XPO7: variants seen among roughly 807,000 people sequenced by gnomAD.
The protein encoded by XPO7 is exportin 7.
A neutral mutation model predicts 144.3 loss-of-function variants in XPO7; 21 were observed. The observed-to-expected ratio is 0.15, with a 90% CI of 0.10 to 0.21. The LOEUF (loss-of-function observed/expected upper bound fraction) is 0.21, where lower values mean the gene tolerates loss of function less well. Ranked by LOEUF, XPO7 falls within the 10% of genes least tolerant of loss-of-function variation. The pLI is 1.00. For missense variants in XPO7, 808 were observed against 1,325.8 expected, an observed-to-expected ratio of 0.61 and a Z score of 6.06; for synonymous variants, 580 against 499.6, an observed-to-expected ratio of 1.16 and a Z score of -2.15.
chr8:21,982,810 G>A lies in XPO7; in HGVS notation c.1275G>A (p.Leu425=). Residue 425 remains leucine, a splice_region_variant and synonymous_variant, in exon 11 of 28, where the codon CTG becomes CTA. Coordinates refer to ENST00000252512, the MANE Select transcript of XPO7 (RefSeq NM_015024.5). ...GGTTGGAATCTGTGCACATCATACT[G>A]AGGTAAGGAAACTTAGCCTCATTCA... ...TSRLESVHII[L]RDGLEDPLED... The A allele has an allele frequency of 1.1e-5, 17 of 1,598,572 alleles. No homozygotes were observed. The highest frequency in any genetic ancestry group is 1.4e-5 in the Non-Finnish European group (17 of 1,175,036).
At chr8:21,947,532 C>G (rs1811231903) in intron 1 of XPO7, among the ~76,000 whole-genome samples, 1 of 152,028 alleles carries the variant, frequency 6.6e-6, no homozygotes, top group Non-Finnish European at 1.5e-5. Flanking sequence ...TCACCACTAC[C>G]CCTGCAACAT....
In XPO7 at chr8:21,987,784, C is replaced by G. The variant is rs758610986; in HGVS notation, c.1714C>G (p.Leu572Val). Residue 572 changes from leucine to valine, a missense_variant and splice_region_variant, in exon 15 of 28, where the codon CTG becomes GTG. Around this residue, in one of 5 missense-constraint regions of XPO7, gnomAD observed 416 missense variants for 612.5 expected, o/e 0.68. Transcript: ENST00000252512. ...IGDQVQKSSK[L>V]YRRLSEVLGL... is the part of the protein sequence containing the mutation. Reference sequence around the variant, plus strand: ...GGTTACTTTCTCTTCTTAACACCAGCTGTACCGCCGACTCTCAGAAGTTCT... The same window carrying G: ...GGTTACTTTCTCTTCTTAACACCAGGTGTACCGCCGACTCTCAGAAGTTCT... 2 of 1,613,820 alleles carry G rather than the reference C, an allele frequency of 1.2e-6. No homozygotes were observed. Among genetic ancestry groups the G allele is most frequent in the African/African-American group, 1.3e-5 (1 of 75,040 alleles).
At chr8:21,920,242 C>T (rs534929083) in intron 1 of XPO7, among the ~76,000 whole-genome samples, 1 of 152,176 alleles carries the variant, frequency 6.6e-6, no homozygotes, top group Admixed American at 6.5e-5. Context: ...ATAAACCTCG[C>T]TCTCCGGAGT....
chr8:21,970,911 A>G (rs941823763), intron 4 of XPO7, among the ~76,000 whole-genome samples: 1 of 152,208 alleles, frequency 6.6e-6, no homozygotes, highest in African/African-American at 2.4e-5. Flanking sequence ...TAAAGTCTGT[A>G]GTGGTGTACA....
At chr8:21,953,277 TC>T (rs919230205) in intron 1 of XPO7, among the ~76,000 whole-genome samples, 2 of 151,958 alleles carry the variant, frequency 1.3e-5, no homozygotes, top group Non-Finnish European at 1.5e-5. Flanking sequence ...CCATCATTTC[TC>T]CCCCCCTGCA....
intron 1 of XPO7, among the ~76,000 whole-genome samples, chr8:21,932,575 T>C (rs771128798): frequency 2.0e-5 from 3 of 151,968 alleles, no homozygotes; most frequent in Non-Finnish European, 4.4e-5. Flanking sequence ...GTACACGTGG[T>C]GTTTTGGGTT....
In XPO7 at chr8:21,925,057, G is replaced by A. The variant is rs181947858; in HGVS notation, c.18+5269G>A. ...GTAGTGAGACTGGTTTTGTCGACAT[G>A]TCCCTGAATGGGGGGCAGTCACTAC... On this transcript the variant is annotated intron_variant, in intron 1 of 27. Coordinates refer to ENST00000252512, the MANE Select transcript of XPO7 (RefSeq NM_015024.5). Among the ~76,000 whole-genome samples, 34 of 152,316 alleles carry A rather than the reference G, an allele frequency of 2.2e-4. 1 individual carries two copies. Among genetic ancestry groups the A allele is most frequent in the Admixed American group, 2.0e-3 (31 of 15,306 alleles).
Position 22,005,140 on chromosome 8 carries a change from G to T in XPO7, c.*52G>T. 6.8e-7 allele frequency: 1 copy of T among 1,474,158 alleles called. No individual in the cohort carries two copies. The highest frequency in any genetic ancestry group is 9.3e-7 in the Non-Finnish European group (1 of 1,075,534). 91.3% of individuals were successfully genotyped at this position (1,474,158 alleles called of 1,614,324 possible). A position where few individuals can be genotyped will look rare whatever the true frequency, so the allele number is the denominator to read the frequency against. On this transcript the variant is annotated 3_prime_UTR_variant, in exon 28 of 28. Coordinates refer to ENST00000252512, the MANE Select transcript of XPO7 (RefSeq NM_015024.5). ...AGCAGCGTCCCTTTGGTTTGGCCCA[G>T]AGGGGCGAACAATTGCAAGGGAGAG...
chr8:21,972,007 C>T (rs994483890), intron 5 of XPO7, 66 bp downstream of exon 5: 2 of 1,485,500 alleles, frequency 1.3e-6, no homozygotes, highest in Admixed American at 3.3e-5. Flanking sequence ...GTGTTTTCTG[C>T]TGTGTGTGGG....
intron 9 of XPO7, among the ~76,000 whole-genome samples, chr8:21,980,546 C>T (rs1186272577): frequency 6.6e-6 from 1 of 152,084 alleles, no homozygotes; most frequent in Non-Finnish European, 1.5e-5. Context: ...CCAAGGTGGG[C>T]AGATCACTTG....
rs1810722476 is a variant in XPO7 at position 21,933,474 on chromosome 8, T to G, written c.18+13686T>G. 2.0e-5 allele frequency among the ~76,000 whole-genome samples: 3 copies of G among 152,168 alleles called. No individual in the cohort carries two copies. In the South Asian group the frequency reaches 6.2e-4, roughly 31 times the overall value. On this transcript the variant is annotated intron_variant, in intron 1 of 27. Coordinates refer to ENST00000252512, the MANE Select transcript of XPO7 (RefSeq NM_015024.5). ...AGATAATATAATACAGTTTGAAAAT[T>G]TCTCTAATTTTAGGCCTCAAGGCTA...
intron 20 of XPO7, 141 bp from the exon 21 acceptor site, chr8:21,995,351 A>G: frequency 1.5e-6 from 1 of 655,046 alleles, no homozygotes; most frequent in Admixed American, 2.8e-5. Flanking sequence ...CTGGTTAGAA[A>G]GACTCCAAGA....
intron 1 of XPO7, among the ~76,000 whole-genome samples, chr8:21,930,776 G>A (rs755455066): frequency 6.6e-6 from 1 of 152,194 alleles, no homozygotes; most frequent in African/African-American, 2.4e-5. Context: ...TTGATTATCT[G>A]TTATCAAGTT....
At chr8:21,974,905 A>G (rs1171465141) in intron 6 of XPO7, 131 bp downstream of exon 6, 10 of 719,172 alleles carry the variant, frequency 1.4e-5, no homozygotes, top group Non-Finnish European at 1.5e-5. Context: ...CATCTCTTAT[A>G]TAAGACTCAT....
At chr8:21,936,394 C>G (rs1270361372) in intron 1 of XPO7, among the ~76,000 whole-genome samples, 1 of 152,222 alleles carries the variant, frequency 6.6e-6, no homozygotes, top group African/African-American at 2.4e-5. Context: ...GCCCAGTATC[C>G]ATGTCACTAG....
At chr8:21,925,925 T>A (rs763967642) in intron 1 of XPO7, among the ~76,000 whole-genome samples, 5 of 152,250 alleles carry the variant, frequency 3.3e-5, no homozygotes, top group Non-Finnish European at 7.3e-5. Flanking sequence ...AGAGTTTTTT[T>A]CTGTAAGATC....
intron 1 of XPO7, among the ~76,000 whole-genome samples, chr8:21,937,098 G>A (rs955661336): frequency 1.3e-5 from 2 of 152,118 alleles, no homozygotes; most frequent in African/African-American, 4.8e-5. Context: ...CACAATAAGA[G>A]GTTAAAAGTT....
chr8:21,989,936 G>A (rs184928013), intron 16 of XPO7, among the ~76,000 whole-genome samples: 1,558 of 134,220 alleles, frequency 0.012, 17 homozygotes, highest in Admixed American at 0.023. Flanking sequence ...TACAAGCTCC[G>A]CCTCCCAGGT....
intron 1 of XPO7, among the ~76,000 whole-genome samples, chr8:21,953,550 T>C (rs1811439757): frequency 6.6e-6 from 1 of 152,246 alleles, no homozygotes; most frequent in African/African-American, 2.4e-5. Context: ...GCGCAATTGC[T>C]GGATCATATG....
Sources: allele counts gnomAD v4.1 joint callset (sites outside exome capture counted in the v4.1 genomes callset), GRCh38; gene constraint gnomAD v4.1.1; regional missense constraint gnomAD v4.1.1; transcripts MANE v1.5; gene names NCBI Gene and HGNC (gene_info 2026-07-23, HGNC 2026-07-21).